The following CHRDL2 variants were observed in gnomAD, a reference collection of about 807,000 sequenced individuals.
CHRDL2 encodes the protein chordin-like protein 2.
Under a neutral mutation model 54.3 loss-of-function variants are expected in CHRDL2, and 41 were observed. That is an observed-to-expected ratio of 0.76 (90% confidence interval 0.59 to 0.98). The LOEUF (loss-of-function observed/expected upper bound fraction) is 0.98. Ranked by LOEUF, CHRDL2 falls within the 50% of genes least tolerant of loss-of-function variation. The pLI is 0.00. For synonymous variants in CHRDL2, 220 were observed against 224.3 expected, an observed-to-expected ratio of 0.98 and a Z score of 0.17; for missense variants, 518 against 562.4, an observed-to-expected ratio of 0.92 and a Z score of 0.80.
intron 4 of CHRDL2, among the ~76,000 whole-genome samples, chr11:74,709,746 G>A (rs916175124): frequency 2.0e-5 from 3 of 152,194 alleles, no homozygotes; most frequent in Non-Finnish European, 4.4e-5. Context: ...CAGTGCTGGA[G>A]ATCAAACACA....
chr11:74,700,227 G>GAGAT (rs2033754704), intron 9 of CHRDL2, among the ~76,000 whole-genome samples: 1 of 152,248 alleles, frequency 6.6e-6, no homozygotes, highest in African/African-American at 2.4e-5. Context: ...AGGATTAAAT[G>GAGAT]AGATACATTA....
chr11:74,702,037 T>G (rs185093290), intron 9 of CHRDL2, among the ~76,000 whole-genome samples: 1 of 152,220 alleles, frequency 6.6e-6, no homozygotes, highest in East Asian at 1.9e-4. Flanking sequence ...GAGGATTGCT[T>G]GAGTCCAGGA....
intron 9 of CHRDL2, chr11:74,699,609 G>A (rs1007085364): frequency 5.3e-5 from 8 of 152,252 alleles, no homozygotes; most frequent in Admixed American, 5.2e-4. Context: ...GACAGGGCTT[G>A]GAATTGAGAC....
chr11:74,702,570 G>C (rs1443230296), intron 9 of CHRDL2, among the ~76,000 whole-genome samples: 1 of 152,172 alleles, frequency 6.6e-6, no homozygotes, highest in East Asian at 1.9e-4. Context: ...CCAGGAGAGG[G>C]AGCACTATCG....
intron 1 of CHRDL2, among the ~76,000 whole-genome samples, chr11:74,723,138 G>C (rs1473631476): frequency 6.6e-6 from 1 of 152,088 alleles, no homozygotes; most frequent in Non-Finnish European, 1.5e-5. Context: ...TGTGCTGATG[G>C]GCAAAAGTAC....
intron 1 of CHRDL2, among the ~76,000 whole-genome samples, chr11:74,725,512 T>C (rs188799308): frequency 6.6e-6 from 1 of 152,328 alleles, no homozygotes; most frequent in Admixed American, 6.5e-5. Flanking sequence ...AGTGATTCCA[T>C]GATCTTCACG....
At chr11:74,720,114 ATCTTC>A (rs2034469808) in intron 1 of CHRDL2, among the ~76,000 whole-genome samples, 1 of 152,200 alleles carries the variant, frequency 6.6e-6, no homozygotes, top group Non-Finnish European at 1.5e-5. Context: ...ATTATTGACT[ATCTTC>A]TCTTTGCCGA....
rs1004102280 is a variant in CHRDL2 at position 74,697,225 on chromosome 11, A to C, written c.1193T>G (p.Leu398Arg). Reference protein sequence around the residue: ...DFQKEAQHFRLLAGPHEGHWN... With the variant: ...DFQKEAQHFRRLAGPHEGHWN... ...CCTACCTTCGTGGGGGCCAGCGAGC[A>C]GTCGGAAGTGCTGTGCCTCTTTCTG... Residue 398 changes from leucine to arginine, a missense_variant, in exon 10 of 11, where the codon CTG (leucine) becomes CGG (arginine). Coordinates refer to ENST00000376332, the MANE Select transcript of CHRDL2 (RefSeq NM_001278473.3). The C allele has an allele frequency of 6.2e-7, 1 of 1,613,920 alleles. No homozygotes were observed. Among genetic ancestry groups the C allele is most frequent in the East Asian group, 2.2e-5 (1 of 44,876 alleles).
rs909945366 is a variant in CHRDL2, at chr11:74,725,972, G to A, written c.82+4835C>T. Among the ~76,000 whole-genome samples the A allele has an allele frequency of 4.6e-5, 7 of 152,312 alleles. No homozygotes were observed. The East Asian group carries it at 7.7e-4, about 17-fold the overall frequency. ...AGCTCTGCTCTGGGCTCTGGCACCC[G>A]GTGGGAGAGGCCTCTTAAGGAAATC... On this transcript the variant is annotated intron_variant, in intron 1 of 10. Transcript: ENST00000376332.
chr11:74,720,984 G>A (rs1289757094), intron 1 of CHRDL2, among the ~76,000 whole-genome samples: 2 of 152,214 alleles, frequency 1.3e-5, no homozygotes, highest in African/African-American at 4.8e-5. Context: ...TTCGAGGGTC[G>A]CTGAGAGTAG....
At chr11:74,697,582 T>C (rs746894976) in intron 9 of CHRDL2, 10 of 520,356 alleles carry the variant, frequency 1.9e-5, no homozygotes, top group Non-Finnish European at 2.9e-5. Flanking sequence ...CTCTGGTCAT[T>C]AGAACATGTA....
chr11:74,702,195 G>A (rs1565148104), intron 9 of CHRDL2, among the ~76,000 whole-genome samples: 1 of 151,684 alleles, frequency 6.6e-6, no homozygotes, highest in African/African-American at 2.4e-5. Context: ...GAATGAGGTT[G>A]CAGTGGAGCC....
rs763550345 is a variant in CHRDL2 at position 74,706,469 on chromosome 11, A to G, written c.582+18T>C. 2 of 1,613,670 alleles carry G rather than the reference A, an allele frequency of 1.2e-6. No individual in the cohort carries two copies. Among genetic ancestry groups the G allele is most frequent in the Non-Finnish European group, 1.7e-6 (2 of 1,179,664 alleles). ...CAGCCCCCTGTCCCGCACCCCGTCAATAAGGCCGTGCACTCACCACCCCAT... is the reference window on the plus strand; with the variant it reads ...CAGCCCCCTGTCCCGCACCCCGTCAGTAAGGCCGTGCACTCACCACCCCAT... On this transcript the variant is annotated intron_variant, in intron 6 of 10. Transcript: ENST00000376332.
At chr11:74,710,165 G>A (rs1271907167) in intron 4 of CHRDL2, among the ~76,000 whole-genome samples, 8 of 150,128 alleles carry the variant, frequency 5.3e-5, no homozygotes, top group Admixed American at 4.6e-4. Context: ...GCAGTGAGCC[G>A]AGATCACGCC....
intron 6 of CHRDL2, 128 bp from the exon 7 acceptor site, chr11:74,704,782 A>G: frequency 2.3e-6 from 2 of 878,312 alleles, no homozygotes; most frequent in South Asian, 3.1e-5. Flanking sequence ...AGAGAAGAGA[A>G]GGTAGAGACC....
chr11:74,702,725 G>C, intron 9 of CHRDL2, 69 bp downstream of exon 9: 1 of 1,562,690 alleles, frequency 6.4e-7, no homozygotes, highest in Non-Finnish European at 8.8e-7. Context: ...TAAGGCCCCT[G>C]TGGGGTCTGG....
At chr11:74,709,671 A>G (rs567098149) in intron 4 of CHRDL2, among the ~76,000 whole-genome samples, 1 of 152,356 alleles carries the variant, frequency 6.6e-6, no homozygotes, top group South Asian at 2.1e-4. Context: ...GGACCCTGTC[A>G]CTGAAAAGAT....
chr11:74,711,617 C>T (rs562535754), intron 3 of CHRDL2, among the ~76,000 whole-genome samples: 1 of 152,230 alleles, frequency 6.6e-6, no homozygotes, highest in South Asian at 2.1e-4. Context: ...CTCTGTTCTA[C>T]GCACCATGCT....
chr11:74,710,884 G>C lies in CHRDL2; in HGVS notation c.397C>G (p.Arg133Gly). 6.2e-7 allele frequency: 1 copy of C among 1,614,122 alleles called. No homozygotes were observed. Among genetic ancestry groups the C allele is most frequent in the Non-Finnish European group, 8.5e-7 (1 of 1,180,008 alleles). Residue 133 changes from arginine to glycine, a missense_variant, in exon 4 of 11, where the codon CGC (arginine) becomes GGC (glycine). Coordinates refer to ENST00000376332, the MANE Select transcript of CHRDL2 (RefSeq NM_001278473.3). ...IFSAHELFPSRLPNQCVLCSC... is the reference protein window; with the variant it reads ...IFSAHELFPSGLPNQCVLCSC... ...CAGAGGACACACTGGTTGGGCAGGC[G>C]GGAGGGGAACAGCTCATGGGCACTG... is the stretch of plus-strand genomic sequence containing the variant.
Sources: gnomAD v4.1 joint callset for allele counts (sites outside exome capture counted in the v4.1 genomes callset) on GRCh38, gnomAD v4.1.1 for gene constraint, MANE v1.5 for transcripts, NCBI Gene and HGNC (gene_info 2026-07-23, HGNC 2026-07-21) for gene names.